Variants in KLF12 observed in about 807,000 individuals in gnomAD.
KLF12 encodes KLF transcription factor 12.
In KLF12, 9 loss-of-function variants were observed where a neutral mutation model predicts 37.8. The ratio of observed to expected loss-of-function variants is 0.24; its 90% CI spans 0.14 to 0.42. The LOEUF is 0.42. Ranked by LOEUF, KLF12 falls within the 10% of genes least tolerant of loss-of-function variation. KLF12 has a pLI of 1.00. For missense variants in KLF12, 411 were observed against 516.0 expected (o/e 0.80, Z 1.97); for synonymous variants, 208 against 202.1 (o/e 1.03, Z -0.25).
At chr13:74,133,730 G>A (rs1375074485) in intron 1 of KLF12, among the ~76,000 whole-genome samples, 1 of 150,656 alleles carries the variant, frequency 6.6e-6, no homozygotes. Flanking sequence ...AAACGGAATC[G>A]GCACAGACCT....
intron 1 of KLF12, among the ~76,000 whole-genome samples, chr13:73,996,325 T>C (rs1480821628): frequency 2.6e-5 from 4 of 152,210 alleles, no homozygotes; most frequent in Non-Finnish European, 4.4e-5. Flanking sequence ...GATTAAACCA[T>C]AACATGGTAT....
intron 2 of KLF12, among the ~76,000 whole-genome samples, chr13:73,950,980 C>A (rs2139407801): frequency 6.6e-6 from 1 of 152,300 alleles, no homozygotes; most frequent in Non-Finnish European, 1.5e-5. Context: ...TGATGCCAGG[C>A]CTCCTTCCCT....
chr13:73,954,513 G>T (rs760906254), intron 2 of KLF12, among the ~76,000 whole-genome samples: 2 of 152,166 alleles, frequency 1.3e-5, no homozygotes, highest in Non-Finnish European at 2.9e-5. Context: ...ATGACGTAGT[G>T]TTTGCCTTGT....
chr13:74,069,929 G>T (rs560390566), intron 1 of KLF12, among the ~76,000 whole-genome samples: 1 of 152,220 alleles, frequency 6.6e-6, no homozygotes, highest in Non-Finnish European at 1.5e-5. Context: ...TTGTGAACAT[G>T]ATGAGTTTGA....
chr13:73,941,935 T>TA (rs1382083356), intron 3 of KLF12, among the ~76,000 whole-genome samples: 5 of 151,822 alleles, frequency 3.3e-5, no homozygotes, highest in Admixed American at 3.3e-4. Flanking sequence ...AGGAGGAAAA[T>TA]CGATTTTCAT....
chr13:73,992,658 T>C (rs530088968), intron 2 of KLF12, among the ~76,000 whole-genome samples: 1 of 152,306 alleles, frequency 6.6e-6, no homozygotes, highest in South Asian at 2.1e-4. Flanking sequence ...ACTGGAAACG[T>C]ACAAAACAGT....
chr13:73,940,773 C>T (rs1046940353), intron 3 of KLF12, among the ~76,000 whole-genome samples: 2 of 152,198 alleles, frequency 1.3e-5, no homozygotes, highest in Non-Finnish European at 2.9e-5. Context: ...ACCACATACA[C>T]ACAGCATAAA....
rs141568000 is a variant in KLF12, at chr13:73,783,598, T to C, written c.807-18598A>G. Among the ~76,000 whole-genome samples, 16 of 152,264 alleles carry C rather than the reference T, an allele frequency of 1.1e-4. 1 individual carries two copies. The highest frequency in any genetic ancestry group is 3.8e-4 in the African/African-American group (16 of 41,560). ...AAATATCCCACGTACCCTATAAATATGTACAAGTATTATGCATGAATTAAA... is the reference window on the plus strand; with the variant it reads ...AAATATCCCACGTACCCTATAAATACGTACAAGTATTATGCATGAATTAAA... On this transcript the variant is annotated intron_variant, in intron 5 of 7. Coordinates refer to ENST00000377669, the MANE Select transcript of KLF12 (RefSeq NM_007249.5).
At chr13:73,806,143 A>T (rs61607418) in intron 5 of KLF12, among the ~76,000 whole-genome samples, 1 of 143,128 alleles carries the variant, frequency 7.0e-6, no homozygotes, top group Non-Finnish European at 1.5e-5. Flanking sequence ...ATAAAGTCTC[A>T]CTCTTGTTGC....
intron 3 of KLF12, among the ~76,000 whole-genome samples, chr13:73,928,987 CTCCT>C (rs1318258029): frequency 6.6e-6 from 1 of 152,204 alleles, no homozygotes; most frequent in African/African-American, 2.4e-5. Context: ...AACTGTGGGG[CTCCT>C]TCAAGTCAGA....
chr13:74,175,444 C>T, the KLF12 span, among the ~76,000 whole-genome samples: 1 of 152,204 alleles, frequency 6.6e-6, no homozygotes, highest in Non-Finnish European at 1.5e-5. Flanking sequence ...GTTCATTCAA[C>T]AATATCTTGT....
chr13:73,858,747 C>G (rs1885746551), intron 3 of KLF12, among the ~76,000 whole-genome samples: 1 of 152,100 alleles, frequency 6.6e-6, no homozygotes, highest in Non-Finnish European at 1.5e-5. Context: ...TAAAAGTGAA[C>G]TACATTTGGA....
rs1566305134 is a variant in KLF12, at chr13:73,700,304, GA to G, written c.1028-4634del. ...AATAAATTAATTAATTAATTAAAAA[GA>G]AAAAATAATAATAAAAAAATTTATA... On this transcript the variant is annotated intron_variant, in intron 7 of 7. Transcript: ENST00000377669. 4.6e-5 allele frequency among the ~76,000 whole-genome samples: 7 copies of G among 150,868 alleles called. No individual in the cohort carries two copies. The South Asian group carries it at 1.3e-3, about 27-fold the overall frequency.
intron 2 of KLF12, among the ~76,000 whole-genome samples, chr13:73,970,373 T>C (rs923725937): frequency 3.3e-5 from 5 of 151,474 alleles, no homozygotes; most frequent in Non-Finnish European, 7.4e-5. Context: ...TTTTTTTTAA[T>C]CACAATATGT....
chr13:74,145,055 A>G, the KLF12 span, among the ~76,000 whole-genome samples: 1 of 152,158 alleles, frequency 6.6e-6, no homozygotes, highest in African/African-American at 2.4e-5. Flanking sequence ...TTGAATCTAG[A>G]AGCAGTTTTT....
At chr13:73,867,098 G>C (rs1210961200) in intron 3 of KLF12, among the ~76,000 whole-genome samples, 1 of 152,036 alleles carries the variant, frequency 6.6e-6, no homozygotes, top group Non-Finnish European at 1.5e-5. Flanking sequence ...CATACAGTGT[G>C]ATGGTATAAT....
chr13:73,898,839 G>A (rs1275772307), intron 3 of KLF12, among the ~76,000 whole-genome samples: 2 of 152,164 alleles, frequency 1.3e-5, no homozygotes, highest in African/African-American at 4.8e-5. Context: ...AGACCAACAG[G>A]TAATGAAGGA....
At chr13:73,966,257 T>C (rs1442417948) in intron 2 of KLF12, among the ~76,000 whole-genome samples, 1 of 152,128 alleles carries the variant, frequency 6.6e-6, no homozygotes, top group Non-Finnish European at 1.5e-5. Context: ...TACAGATAAA[T>C]TATATGAAGC....
At chr13:74,115,778 G>A (rs539075183) in intron 1 of KLF12, among the ~76,000 whole-genome samples, 1 of 151,298 alleles carries the variant, frequency 6.6e-6, no homozygotes, top group African/African-American at 2.4e-5. Flanking sequence ...GTATTCCTTG[G>A]CTTGTAGCCA....
Sources: gnomAD v4.1 joint callset for allele counts (sites outside exome capture counted in the v4.1 genomes callset) on GRCh38, gnomAD v4.1.1 for gene constraint, MANE v1.5 for transcripts, NCBI Gene and HGNC (gene_info 2026-07-23, HGNC 2026-07-21) for gene names.